The following LPAR3 variants were observed in gnomAD, a reference collection of about 807,000 sequenced individuals.
The protein encoded by LPAR3 is lysophosphatidic acid receptor 3.
LPAR3 carries 7 observed loss-of-function variants against 17.8 expected under a neutral mutation model. The ratio of observed to expected loss-of-function variants is 0.39; its 90% CI spans 0.22 to 0.74. The LOEUF is 0.74. LPAR3 is among the 30% of genes least tolerant of loss of function. The pLI is 0.40. For synonymous variants in LPAR3, 179 were observed against 179.9 expected (o/e 0.99, Z 0.04); for missense variants, 391 against 453.4 (o/e 0.86, Z 1.25).
rs1307324663 is a variant in LPAR3 at position 84,865,581 on chromosome 1, G to A, written c.540C>T (p.Ala180=). The A allele has an allele frequency of 1.2e-6, 2 of 1,614,196 alleles. No individual in the cohort carries two copies. The highest frequency in any genetic ancestry group is 1.7e-5 in the Admixed American group (1 of 60,032). The change falls in exon 2 of 3, where the codon GCC becomes GCT. Residue 180 remains alanine, a synonymous_variant. Coordinates refer to ENST00000370611, the MANE Select transcript of LPAR3 (RefSeq NM_012152.3). The part of the protein sequence containing the change: ...LCNISACSSL[A]PIYSRSYLVF... Reference sequence around the variant, plus strand: ...CAAGGTAACTCCTGCTGTAAATGGGGGCCAGGGAAGAGCAGGCAGAGATGT... The same window carrying A: ...CAAGGTAACTCCTGCTGTAAATGGGAGCCAGGGAAGAGCAGGCAGAGATGT...
chr1:84,815,474 T>C (rs34385790), intron 2 of LPAR3, among the ~76,000 whole-genome samples: 1 of 152,102 alleles, frequency 6.6e-6, no homozygotes, highest in Admixed American at 6.6e-5. Context: ...ACTCTACTTG[T>C]TAGAATTAGT....
At chr1:84,853,452 A>G (rs1659759249) in intron 2 of LPAR3, among the ~76,000 whole-genome samples, 1 of 152,210 alleles carries the variant, frequency 6.6e-6, no homozygotes, top group South Asian at 2.1e-4. Context: ...GAAAGTGGCA[A>G]GGCTTGATTA....
At chr1:84,841,920 A>G (rs1659510855) in intron 2 of LPAR3, among the ~76,000 whole-genome samples, 1 of 152,340 alleles carries the variant, frequency 6.6e-6, no homozygotes, top group East Asian at 1.9e-4. Context: ...CAAAAGAAAG[A>G]AAGAGAGACC....
At chr1:84,814,269 C>A (rs990183586) in intron 2 of LPAR3, 98 bp from the exon 3 acceptor site, 1 of 974,874 alleles carries the variant, frequency 1.0e-6, no homozygotes, top group Non-Finnish European at 1.5e-6. Context: ...ATCAAGGGGC[C>A]CTCATGATTT....
chr1:84,819,965 C>A (rs1299155413), intron 2 of LPAR3, among the ~76,000 whole-genome samples: 1 of 152,176 alleles, frequency 6.6e-6, no homozygotes, highest in Non-Finnish European at 1.5e-5. Flanking sequence ...CTGCTTAATT[C>A]CTCTCTAGCA....
chr1:84,870,277 A>C (rs1660134431), intron 1 of LPAR3, among the ~76,000 whole-genome samples: 1 of 152,234 alleles, frequency 6.6e-6, no homozygotes, highest in Admixed American at 6.5e-5. Flanking sequence ...AGAGCTACCC[A>C]GTTGCTTGTG....
intron 2 of LPAR3, among the ~76,000 whole-genome samples, chr1:84,843,923 T>C (rs750926573): frequency 1.3e-5 from 2 of 152,180 alleles, no homozygotes; most frequent in African/African-American, 2.4e-5. Context: ...GTTTAAGAAG[T>C]CCATGACCAC....
At chr1:84,871,592 C>T (rs1660159181) in intron 1 of LPAR3, among the ~76,000 whole-genome samples, 1 of 152,208 alleles carries the variant, frequency 6.6e-6, no homozygotes, top group Non-Finnish European at 1.5e-5. Flanking sequence ...TCTTAGGAAA[C>T]TCTATCCAGA....
At chr1:84,821,199 CT>C (rs1437063629) in intron 2 of LPAR3, among the ~76,000 whole-genome samples, 2 of 150,576 alleles carry the variant, frequency 1.3e-5, no homozygotes, top group Non-Finnish European at 3.0e-5. Context: ...TCTCGTTAAA[CT>C]TCAAAATCAG....
At chr1:84,855,509 A>T (rs1467481038) in intron 2 of LPAR3, among the ~76,000 whole-genome samples, 3 of 152,168 alleles carry the variant, frequency 2.0e-5, no homozygotes, top group African/African-American at 7.2e-5. Context: ...AATTTGAGAA[A>T]TGTTTCTCCA....
chr1:84,880,189 G>A (rs1660337640), intron 1 of LPAR3, among the ~76,000 whole-genome samples: 1 of 152,170 alleles, frequency 6.6e-6, no homozygotes, highest in East Asian at 1.9e-4. Context: ...AATTAGCTGG[G>A]CGTGGTGGCA....
chr1:84,880,015 A>C (rs1057282191), intron 1 of LPAR3, among the ~76,000 whole-genome samples: 1 of 152,256 alleles, frequency 6.6e-6, no homozygotes, highest in Non-Finnish European at 1.5e-5. Flanking sequence ...CAATCTGATC[A>C]CTATATAGTA....
intron 2 of LPAR3, among the ~76,000 whole-genome samples, chr1:84,853,950 G>A (rs1483977137): frequency 6.6e-6 from 1 of 152,084 alleles, no homozygotes; most frequent in Admixed American, 6.5e-5. Context: ...CTTTACACAG[G>A]GCATGATCTG....
chr1:84,814,053 G>A lies in LPAR3; in HGVS notation c.855C>T (p.Asn285=). The change falls in exon 3 of 3, where the codon AAC becomes AAT. Residue 285 remains asparagine (N), a synonymous_variant. Transcript: ENST00000370611. ...KRWFLLLALL[N]SVVNPIIYSY... ...AGTAGATGATGGGGTTCACGACGGA[G>A]TTGAGCAGCGCCAGCAGCAGGAACC... 1.2e-6 allele frequency: 2 copies of A among 1,614,152 alleles called. No individual in the cohort carries two copies. Among genetic ancestry groups the A allele is most frequent in the Non-Finnish European group, 1.7e-6 (2 of 1,180,040 alleles).
chr1:84,851,113 C>G (rs1659700384), intron 2 of LPAR3, among the ~76,000 whole-genome samples: 1 of 152,222 alleles, frequency 6.6e-6, no homozygotes, highest in Admixed American at 6.5e-5. Context: ...GCATCACCTT[C>G]TAAGAGGATT....
chr1:84,839,965 G>A (rs1440103608), intron 2 of LPAR3, among the ~76,000 whole-genome samples: 3 of 152,188 alleles, frequency 2.0e-5, no homozygotes, highest in Non-Finnish European at 2.9e-5. Context: ...TCACTCTGTC[G>A]CCCAGGCTGC....
chr1:84,891,026 C>T (rs895349146), intron 1 of LPAR3, among the ~76,000 whole-genome samples: 10 of 152,052 alleles, frequency 6.6e-5, no homozygotes, highest in South Asian at 4.1e-4. Flanking sequence ...AAACAGATTC[C>T]GGTGAACACA....
chr1:84,839,603 C>G (rs1207832546), intron 2 of LPAR3, among the ~76,000 whole-genome samples: 1 of 152,004 alleles, frequency 6.6e-6, no homozygotes, highest in Non-Finnish European at 1.5e-5. Context: ...CCCAGTAGTT[C>G]AAGGTTACAG....
chr1:84,869,269 A>G (rs997488334), intron 1 of LPAR3, among the ~76,000 whole-genome samples: 1 of 152,234 alleles, frequency 6.6e-6, no homozygotes, highest in Non-Finnish European at 1.5e-5. Flanking sequence ...AGTTTAAGAC[A>G]TGTTTTTAGC....
Sources: gnomAD v4.1 joint callset for allele counts (sites outside exome capture counted in the v4.1 genomes callset) on GRCh38, gnomAD v4.1.1 for gene constraint, MANE v1.5 for transcripts, NCBI Gene and HGNC (gene_info 2026-07-23, HGNC 2026-07-21) for gene names.